OXTR: variants seen among roughly 807,000 people sequenced by gnomAD.
OXTR encodes oxytocin receptor.
In OXTR, 19 loss-of-function variants were observed where a neutral mutation model predicts 23.9. That is an observed-to-expected ratio of 0.80 (90% CI 0.56 to 1.17). OXTR has a LOEUF of 1.17. OXTR is among the 50% of genes most tolerant of loss of function. The pLI is 0.00. For synonymous variants in OXTR, 278 were observed against 250.5 expected (o/e 1.11, Z -1.04); for missense variants, 500 against 550.7 (o/e 0.91, Z 0.92).
chr3:8,757,674 G>A (rs997461657), intron 3 of OXTR, among the ~76,000 whole-genome samples: 3 of 152,106 alleles, frequency 2.0e-5, no homozygotes, highest in Non-Finnish European at 4.4e-5. Flanking sequence ...CTTGCCCCAC[G>A]ATCGAGTCCT....
At chr3:8,747,251 C>G (rs1323608232), downstream of OXTR, among the ~76,000 whole-genome samples, 1 of 152,150 alleles carries the variant, frequency 6.6e-6, no homozygotes, top group East Asian at 1.9e-4. Flanking sequence ...GCTTCCGCTC[C>G]TAGTTGCCTT....
downstream of OXTR, among the ~76,000 whole-genome samples, chr3:8,748,554 G>A (rs960728046): frequency 2.6e-5 from 4 of 152,192 alleles, no homozygotes; most frequent in African/African-American, 9.7e-5. Flanking sequence ...CCGTTCTTGG[G>A]AGGAAGAACG....
downstream of OXTR, chr3:8,746,075 C>A (rs905333301): frequency 3.6e-6 from 2 of 559,774 alleles, no homozygotes; most frequent in Non-Finnish European, 6.4e-6. Context: ...CCCAGCCCCA[C>A]CATGATGCCC....
downstream of OXTR, among the ~76,000 whole-genome samples, chr3:8,748,751 T>A (rs1380581556): frequency 6.6e-6 from 1 of 152,250 alleles, no homozygotes; most frequent in Non-Finnish European, 1.5e-5. Flanking sequence ...TGGCGTTTCA[T>A]TGCTATTGAA....
intron 3 of OXTR, among the ~76,000 whole-genome samples, chr3:8,760,542 G>A (rs2254298): frequency 0.16 from 24,485 of 152,206 alleles, 2,317 homozygotes; most frequent in East Asian, 0.31. Context: ...CCGCAAACTG[G>A]GAAAACAGGG....
Position 8,767,274 on chromosome 3 carries a change from G to T in OXTR, c.914C>A (p.Pro305His). The T allele has an allele frequency of 6.5e-7, 1 of 1,545,406 alleles. No homozygotes were observed. Among genetic ancestry groups the T allele is most frequent in the Non-Finnish European group, 8.7e-7 (1 of 1,146,720 alleles). ...CTCCCAGCCCTGGCTACCTTCCTTG[G>T]GCGCGTTGGCATCCCAGACGCTCCA... ...QMWSVWDANA[P>H]KEASAFIIVM... Residue 305 changes from proline (P) to histidine (H), a missense_variant, in exon 3 of 4, where the codon CCC (proline) becomes CAC (histidine). By Grantham distance (77) the Pro-to-His change is moderately conservative. Coordinates refer to ENST00000316793, the MANE Select transcript of OXTR (RefSeq NM_000916.4).
chr3:8,758,416 C>T (rs1708420792), intron 3 of OXTR, among the ~76,000 whole-genome samples: 1 of 152,184 alleles, frequency 6.6e-6, no homozygotes, highest in Non-Finnish European at 1.5e-5. Flanking sequence ...ATCAACTTCA[C>T]AAAAGGCCCG....
chr3:8,747,443 C>G (rs976799514), downstream of OXTR, among the ~76,000 whole-genome samples: 1 of 152,308 alleles, frequency 6.6e-6, no homozygotes, highest in East Asian at 1.9e-4. Context: ...TCTTACATCC[C>G]TATTCATCTA....
downstream of OXTR, among the ~76,000 whole-genome samples, chr3:8,749,280 C>A (rs768721289): frequency 3.3e-5 from 5 of 152,154 alleles, no homozygotes; most frequent in Non-Finnish European, 7.3e-5. Context: ...CATAATAAGA[C>A]CCAATGTACC....
At chr3:8,755,929 G>C (rs1325057153) in intron 3 of OXTR, among the ~76,000 whole-genome samples, 1 of 152,102 alleles carries the variant, frequency 6.6e-6, no homozygotes, top group East Asian at 2.0e-4. Flanking sequence ...GGGACTTCCC[G>C]GGAGGCAAGA....
rs35014760 is a variant in OXTR, at chr3:8,750,969, A to C, written c.*2008T>G. 19,540 of 152,142 alleles carry C rather than the reference A, an allele frequency of 0.13. 1,356 individuals carry two copies. Among genetic ancestry groups the C allele is most frequent in the African/African-American group, 0.17 (7,216 of 41,480 alleles). 9.4% of individuals were successfully genotyped at this position (152,142 alleles called of 1,614,324 possible). ...TGAGGTACTGCCAAACTGTTTTTCAAAGCAGGTGCACCATTTACATTCCCA... is the reference window on the plus strand; with the variant it reads ...TGAGGTACTGCCAAACTGTTTTTCACAGCAGGTGCACCATTTACATTCCCA... On this transcript the variant is annotated 3_prime_UTR_variant, in exon 4 of 4. Coordinates refer to ENST00000316793, the MANE Select transcript of OXTR (RefSeq NM_000916.4).
At chr3:8,746,013 C>T, downstream of OXTR, 2 of 650,788 alleles carry the variant, frequency 3.1e-6, no homozygotes. Flanking sequence ...TGTAGGGAAG[C>T]CAGAAAGAAA....
At chr3:8,759,810 C>A (rs1708449633) in intron 3 of OXTR, among the ~76,000 whole-genome samples, 1 of 152,206 alleles carries the variant, frequency 6.6e-6, no homozygotes, top group African/African-American at 2.4e-5. Flanking sequence ...AAAGGAGATA[C>A]TGGCAGAGGC....
At chr3:8,742,009 C>T in the OXTR span, among the ~76,000 whole-genome samples, 3 of 152,194 alleles carry the variant, frequency 2.0e-5, no homozygotes, top group Non-Finnish European at 2.9e-5. Flanking sequence ...AGCCTCAGCA[C>T]GCAGATGCAG....
chr3:8,744,263 T>C, the OXTR span, among the ~76,000 whole-genome samples: 3 of 151,174 alleles, frequency 2.0e-5, no homozygotes. Flanking sequence ...TGCTGTTTAA[T>C]TGACCAGTGG....
downstream of OXTR, among the ~76,000 whole-genome samples, chr3:8,749,129 T>G (rs553701804): frequency 6.7e-4 from 102 of 152,140 alleles, no homozygotes; most frequent in Non-Finnish European, 8.5e-4. Flanking sequence ...ACCCCTGCGC[T>G]CATTCTTCTA....
In OXTR at chr3:8,769,295, G is replaced by C. The variant is rs1473670869; in HGVS notation, c.-303C>G. The C allele has an allele frequency of 1.3e-5, 2 of 152,404 alleles. No homozygotes were observed. The highest frequency in any genetic ancestry group is 4.8e-5 in the African/African-American group (2 of 41,478). 9.4% of individuals were successfully genotyped at this position (152,404 alleles called of 1,614,324 possible). A position where few individuals can be genotyped will look rare whatever the true frequency, so the allele number is the denominator to read the frequency against. On this transcript the variant is annotated 5_prime_UTR_variant, in exon 1 of 4. Transcript: ENST00000316793. ...CCGGGGAAGTTGCACGGCGACTGAC[G>C]GCCCCAGTGACGCGTGCGCTCCCGG... is the stretch of plus-strand genomic sequence containing the variant.
chr3:8,745,690 C>T (rs2124988568), downstream of OXTR: 2 of 1,614,170 alleles, frequency 1.2e-6, no homozygotes, highest in South Asian at 1.1e-5. This position sits in a 1 kb window ranked among gnomAD's most constrained non-coding sequence, Gnocchi z 4.8. Flanking sequence ...TCCTGTTCGC[C>T]TGCATCTCCT....
chr3:8,762,589 G>A (rs1388000969), intron 3 of OXTR, among the ~76,000 whole-genome samples: 4 of 152,118 alleles, frequency 2.6e-5, no homozygotes, highest in Non-Finnish European at 5.9e-5. Context: ...CACATCACTG[G>A]GTCACCTCAA....
Sources: allele counts gnomAD v4.1 joint callset (sites outside exome capture counted in the v4.1 genomes callset), GRCh38; gene constraint gnomAD v4.1.1; non-coding constraint Gnocchi (gnomAD v3.1); transcripts MANE v1.5; gene names NCBI Gene and HGNC (gene_info 2026-07-23, HGNC 2026-07-21).